The following SPICE1 variants were observed in gnomAD, a reference collection of about 807,000 sequenced individuals.
SPICE1 encodes the protein spindle and centriole-associated protein 1.
In SPICE1, 75 loss-of-function variants were observed where a neutral mutation model predicts 102.7. The observed-to-expected ratio is 0.73, with a 90% confidence interval of 0.61 to 0.88. The LOEUF is 0.88. Among genes scored for constraint, SPICE1 ranks in the 40% least tolerant of loss-of-function variants. The pLI is 0.00. For missense variants in SPICE1, 979 were observed against 1,020.1 expected, an observed-to-expected ratio of 0.96 and a Z score of 0.55; for synonymous variants, 308 against 350.3, an observed-to-expected ratio of 0.88 and a Z score of 1.35.
At chr3:113,513,960 G>A (rs1937273944) in intron 1 of SPICE1, among the ~76,000 whole-genome samples, 1 of 152,236 alleles carries the variant, frequency 6.6e-6, no homozygotes, top group African/African-American at 2.4e-5. Context: ...AGCATGGGAA[G>A]TAAATTCTGT....
chr3:113,446,153 T>TGGCA (rs1409452255), intron 17 of SPICE1, among the ~76,000 whole-genome samples: 1 of 152,166 alleles, frequency 6.6e-6, no homozygotes, highest in Admixed American at 6.5e-5. Context: ...ATCTAACCAA[T>TGGCA]GGCACAGTCA....
chr3:113,493,321 G>C lies in SPICE1; in HGVS notation c.386-9C>G, dbSNP rs1343276157. ...TGTTACATTTGGAAACCCTGCAAAA[G>C]GAAAAGAAGTTGTGATGATTTGTTT... On this transcript the variant is annotated splice_polypyrimidine_tract_variant and intron_variant, in intron 5 of 17. Coordinates refer to ENST00000295872, the MANE Select transcript of SPICE1 (RefSeq NM_144718.4). The C allele has an allele frequency of 1.9e-5, 30 of 1,607,114 alleles. No homozygotes were observed. Among genetic ancestry groups the C allele is most frequent in the Non-Finnish European group, 2.5e-5 (29 of 1,173,848 alleles).
chr3:113,453,179 T>C (rs1935696615), intron 14 of SPICE1, among the ~76,000 whole-genome samples: 1 of 152,226 alleles, frequency 6.6e-6, no homozygotes, highest in African/African-American at 2.4e-5. Context: ...ATTAATTCTA[T>C]ATTTTATACC....
rs764211445 is a variant in SPICE1, at chr3:113,494,028, GC to G, written c.385+20del. On this transcript the variant is annotated intron_variant, in intron 5 of 17. Transcript: ENST00000295872. ...GGGCTACAGTTAATAAAATAGAGAA[GC>G]TTTTGTTTGAATTGAATACCTGTGC... The G allele has an allele frequency of 1.3e-6, 2 of 1,536,796 alleles. No individual in the cohort carries two copies. Among genetic ancestry groups the G allele is most frequent in the Admixed American group, 3.7e-5 (2 of 53,712 alleles).
intron 3 of SPICE1, among the ~76,000 whole-genome samples, chr3:113,502,218 A>G (rs1937022058): frequency 1.3e-5 from 2 of 152,114 alleles, no homozygotes; most frequent in African/African-American, 4.8e-5. Flanking sequence ...TCTACAAAAA[A>G]TACAAAACTT....
chr3:113,464,754 C>A, intron 11 of SPICE1, among the ~76,000 whole-genome samples: 1 of 152,216 alleles, frequency 6.6e-6, no homozygotes, highest in Middle Eastern at 3.4e-3. Context: ...AACAAGTACA[C>A]ATATAAGTAT....
Position 113,506,155 on chromosome 3 carries a change from C to T in SPICE1, c.99+352G>A, listed in dbSNP as rs111427209. Among the ~76,000 whole-genome samples the T allele has an allele frequency of 7.3e-3, 1,114 of 152,248 alleles. 18 individuals are homozygous for T. Among genetic ancestry groups the T allele is most frequent in the African/African-American group, 0.025 (1,052 of 41,534 alleles). ...GCTCTGAGCAAACCTAAAAAAGGTA[C>T]CGAAAAATTCACAGACTTCATTGAC... On this transcript the variant is annotated intron_variant, in intron 2 of 17. Coordinates refer to ENST00000295872, the MANE Select transcript of SPICE1 (RefSeq NM_144718.4).
intron 7 of SPICE1, among the ~76,000 whole-genome samples, chr3:113,486,532 ATAAAC>A (rs1280290169): frequency 6.6e-6 from 1 of 151,668 alleles, no homozygotes; most frequent in Non-Finnish European, 1.5e-5. Context: ...GAATGGTCAA[ATAAAC>A]TACAGTACAT....
At chr3:113,485,172 G>GTTTTT (rs1346426484) in intron 7 of SPICE1, among the ~76,000 whole-genome samples, 3 of 147,244 alleles carry the variant, frequency 2.0e-5, no homozygotes, top group Non-Finnish European at 1.5e-5. Context: ...CAGGAGTTTT[G>GTTTTT]TTTGTTTTTT....
At chr3:113,493,467 C>T (rs888293077) in intron 5 of SPICE1, among the ~76,000 whole-genome samples, 155 bp from the exon 6 acceptor site, 1 of 152,188 alleles carries the variant, frequency 6.6e-6, no homozygotes, top group Admixed American at 6.5e-5. Flanking sequence ...CTGTTCTAAA[C>T]GTACTTACAT....
At chr3:113,456,091 T>C (rs1216003311) in intron 13 of SPICE1, among the ~76,000 whole-genome samples, 2 of 152,254 alleles carry the variant, frequency 1.3e-5, no homozygotes, top group Non-Finnish European at 2.9e-5. Flanking sequence ...ACTCTCAGCC[T>C]GGCACTGTCA....
intron 12 of SPICE1, 81 bp downstream of exon 12, chr3:113,460,536 T>C (rs996060720): frequency 4.6e-6 from 7 of 1,507,620 alleles, no homozygotes; most frequent in East Asian, 2.3e-5. Context: ...TCTATATAAG[T>C]TTAGAGATTT....
intron 3 of SPICE1, among the ~76,000 whole-genome samples, chr3:113,499,954 C>T (rs116674837): frequency 2.1e-3 from 313 of 152,064 alleles, no homozygotes; most frequent in African/African-American, 7.2e-3. Context: ...TACACATACA[C>T]ACATATACAC....
chr3:113,513,483 C>G (rs1376204968), intron 1 of SPICE1, among the ~76,000 whole-genome samples: 6 of 149,362 alleles, frequency 4.0e-5, no homozygotes, highest in Admixed American at 6.7e-5. Context: ...ATACATCTCC[C>G]AAATATCACA....
At chr3:113,474,005 A>C (rs1019041559) in intron 7 of SPICE1, among the ~76,000 whole-genome samples, 4 of 152,192 alleles carry the variant, frequency 2.6e-5, no homozygotes, top group Non-Finnish European at 5.9e-5. Context: ...TTGGATAAAG[A>C]GTCAAGACCC....
intron 15 of SPICE1, chr3:113,450,132 T>C (rs1000908467): frequency 3.4e-6 from 2 of 586,468 alleles, no homozygotes; most frequent in African/African-American, 1.9e-5. Flanking sequence ...ATAGGCATCA[T>C]AGGATAGAAA....
At chr3:113,502,246 T>C (rs1177767946) in intron 3 of SPICE1, among the ~76,000 whole-genome samples, 1 of 152,100 alleles carries the variant, frequency 6.6e-6, no homozygotes, top group Non-Finnish European at 1.5e-5. Flanking sequence ...CGTGGTGGCA[T>C]GCACCTGTAG....
At chr3:113,502,228 T>TA (rs1333594812) in intron 3 of SPICE1, among the ~76,000 whole-genome samples, 1 of 151,880 alleles carries the variant, frequency 6.6e-6, no homozygotes, top group Non-Finnish European at 1.5e-5. Context: ...ATACAAAACT[T>TA]AGCCAGGCGT....
At chr3:113,449,578 T>C (rs1240090209) in intron 15 of SPICE1, 2 of 152,202 alleles carry the variant, frequency 1.3e-5, no homozygotes, top group African/African-American at 2.4e-5. Flanking sequence ...AAAAGTCTTA[T>C]TGGAAGGTAT....
Sources: allele counts gnomAD v4.1 joint callset (sites outside exome capture counted in the v4.1 genomes callset), GRCh38; gene constraint gnomAD v4.1.1; transcripts MANE v1.5; gene names NCBI Gene and HGNC (gene_info 2026-07-23, HGNC 2026-07-21).